The following CADPS2 variants were observed in gnomAD, a reference collection of about 807,000 sequenced individuals.
CADPS2 encodes the protein calcium-dependent secretion activator 2.
Under a neutral mutation model 172.5 loss-of-function variants are expected in CADPS2, and 93 were observed. That is an observed-to-expected ratio of 0.54 (90% confidence interval 0.46 to 0.64). CADPS2 has a LOEUF of 0.64. Ranked by LOEUF, CADPS2 falls within the 30% of genes least tolerant of loss-of-function variation. CADPS2 has a pLI of 0.00. For missense variants in CADPS2, 1,420 were observed against 1,565.9 expected (o/e 0.91, Z 1.57); for synonymous variants, 546 against 555.2 (o/e 0.98, Z 0.23).
At chr7:122,732,716 A>G (rs1163267835) in intron 2 of CADPS2, among the ~76,000 whole-genome samples, 3 of 144,196 alleles carry the variant, frequency 2.1e-5, no homozygotes, top group Admixed American at 7.2e-5. Flanking sequence ...ATATATAATT[A>G]TATATTACAT....
rs568397627 is a variant in CADPS2, at chr7:122,582,428, C to CT, written c.1224-1139dup. On this transcript the variant is annotated intron_variant, in intron 6 of 29. Coordinates refer to ENST00000449022, the MANE Select transcript of CADPS2 (RefSeq NM_017954.11). ...GAAGAAACTGGCATCTAGATGCAGT[C>CT]TTTTTTTTTGAAATATCATAAGCCA... is the stretch of plus-strand genomic sequence containing the variant. Among the ~76,000 whole-genome samples the CT allele has an allele frequency of 8.5e-4, 128 of 150,940 alleles. 1 individual carries two copies. The highest frequency in any genetic ancestry group is 2.1e-3 in the African/African-American group (86 of 41,252).
At chr7:122,708,204 T>A (rs774568627) in intron 2 of CADPS2, among the ~76,000 whole-genome samples, 1 of 151,718 alleles carries the variant, frequency 6.6e-6, no homozygotes, top group Non-Finnish European at 1.5e-5. Flanking sequence ...CTTATTCTCA[T>A]CTTTTTAATA....
intron 8 of CADPS2, among the ~76,000 whole-genome samples, chr7:122,527,333 C>T (rs569575357): frequency 6.6e-6 from 1 of 151,330 alleles, no homozygotes; most frequent in South Asian, 2.1e-4. Context: ...ATCACAAGGA[C>T]CTTTCAGTCA....
chr7:122,415,395 C>T (rs2047767415), intron 18 of CADPS2, among the ~76,000 whole-genome samples: 1 of 152,064 alleles, frequency 6.6e-6, no homozygotes, highest in African/African-American at 2.4e-5. Context: ...TTACCAGTTA[C>T]ACATTTGGAC....
At position 122,766,052 on chromosome 7, in the gene CADPS2, G is replaced by A. The variant is rs139051358; in HGVS notation, c.340-28984C>T. Reference sequence around the variant, plus strand: ...CTAAGATTTGGGAACCCCTTCTGGTGAGGGTCTCATGCTGCTTCAACTCAT... The same window carrying A: ...CTAAGATTTGGGAACCCCTTCTGGTAAGGGTCTCATGCTGCTTCAACTCAT... On this transcript the variant is annotated intron_variant, in intron 1 of 29. Coordinates refer to ENST00000449022, the MANE Select transcript of CADPS2 (RefSeq NM_017954.11). Among the ~76,000 whole-genome samples, 480 of 152,230 alleles carry A rather than the reference G, an allele frequency of 3.2e-3. 2 individuals carry two copies. The highest frequency in any genetic ancestry group is 0.011 in the African/African-American group (464 of 41,562).
intron 1 of CADPS2, among the ~76,000 whole-genome samples, chr7:122,785,114 C>T (rs1039136291): frequency 6.6e-6 from 1 of 152,132 alleles, no homozygotes; most frequent in South Asian, 2.1e-4. Flanking sequence ...CCCTTTTTCC[C>T]TTGTGTTACT....
intron 1 of CADPS2, among the ~76,000 whole-genome samples, chr7:122,862,732 TA>T (rs1311563055): frequency 2.0e-5 from 3 of 150,660 alleles, no homozygotes; most frequent in African/African-American, 4.9e-5. Flanking sequence ...TTGTTTTTTT[TA>T]AAAAAAAAAG....
intron 7 of CADPS2, among the ~76,000 whole-genome samples, chr7:122,560,195 G>T (rs1007042942): frequency 6.6e-6 from 1 of 152,146 alleles, no homozygotes; most frequent in Non-Finnish European, 1.5e-5. Context: ...TGGCTAGAAG[G>T]TTACTGTGTG....
intron 17 of CADPS2, among the ~76,000 whole-genome samples, chr7:122,428,949 T>C (rs1157854026): frequency 1.3e-5 from 2 of 152,240 alleles, no homozygotes; most frequent in Admixed American, 1.3e-4. Flanking sequence ...GTACTGACAA[T>C]GTATAGTTAT....
intron 1 of CADPS2, among the ~76,000 whole-genome samples, chr7:122,771,440 C>G (rs542626072): frequency 1.3e-5 from 2 of 152,272 alleles, no homozygotes; most frequent in African/African-American, 4.8e-5. Flanking sequence ...TGCATCCATC[C>G]TATCACCCAA....
chr7:122,611,196 G>A (rs1280280472), intron 6 of CADPS2, among the ~76,000 whole-genome samples: 1 of 151,844 alleles, frequency 6.6e-6, no homozygotes, highest in Non-Finnish European at 1.5e-5. Flanking sequence ...ATAGAAGGAA[G>A]TAAATAGTGC....
chr7:122,833,424 C>T (rs1264943351), intron 1 of CADPS2, among the ~76,000 whole-genome samples: 1 of 152,144 alleles, frequency 6.6e-6, no homozygotes, highest in African/African-American at 2.4e-5. Flanking sequence ...AATCTCAGCT[C>T]ACTGCAACCT....
At chr7:122,529,278 T>TATTTTAATG (rs927266162) in intron 8 of CADPS2, among the ~76,000 whole-genome samples, 12 of 152,118 alleles carry the variant, frequency 7.9e-5, no homozygotes, top group African/African-American at 2.7e-4. Flanking sequence ...TAAATATTTC[T>TATTTTAATG]ATTTTAATGG....
chr7:122,645,118 A>T (rs936677190), intron 3 of CADPS2, among the ~76,000 whole-genome samples: 2 of 151,454 alleles, frequency 1.3e-5, no homozygotes, highest in African/African-American at 4.8e-5. Flanking sequence ...GAACATAAGA[A>T]GTTTAACCTC....
chr7:122,792,518 T>C (rs907286079), intron 1 of CADPS2, among the ~76,000 whole-genome samples: 2 of 152,166 alleles, frequency 1.3e-5, no homozygotes, highest in African/African-American at 4.8e-5. Context: ...TTCTGTTGTT[T>C]ATAAGCTACC....
intron 1 of CADPS2, among the ~76,000 whole-genome samples, chr7:122,781,148 TA>T (rs1792612383): frequency 1.3e-5 from 2 of 152,238 alleles, no homozygotes; most frequent in African/African-American, 4.8e-5. Context: ...GTTGTTACTT[TA>T]ATTTGAATCT....
chr7:122,613,117 C>T (rs2074485223), intron 6 of CADPS2, among the ~76,000 whole-genome samples: 1 of 151,890 alleles, frequency 6.6e-6, no homozygotes. Flanking sequence ...ATCTTAGTGA[C>T]CTTAGGTTTG....
chr7:122,736,777 G>T (rs2077546311), intron 2 of CADPS2, among the ~76,000 whole-genome samples, 178 bp downstream of exon 2: 2 of 152,104 alleles, frequency 1.3e-5, no homozygotes, highest in Admixed American at 6.6e-5. Context: ...TCAAAACCAG[G>T]CTGTGGAATT....
intron 8 of CADPS2, among the ~76,000 whole-genome samples, chr7:122,523,900 T>C (rs923258239): frequency 6.6e-6 from 1 of 152,138 alleles, no homozygotes; most frequent in African/African-American, 2.4e-5. Context: ...CCAGGCAAAC[T>C]TGCAGAGAGG....
Sources: allele counts gnomAD v4.1 joint callset (sites outside exome capture counted in the v4.1 genomes callset), GRCh38; gene constraint gnomAD v4.1.1; transcripts MANE v1.5; gene names NCBI Gene and HGNC (gene_info 2026-07-23, HGNC 2026-07-21).